NVL: variants seen among roughly 807,000 people sequenced by gnomAD.
NVL encodes the protein nuclear valosin-containing protein-like.
A neutral mutation model predicts 110.2 loss-of-function variants in NVL; 84 were observed. The observed-to-expected ratio is 0.76, with a 90% CI of 0.64 to 0.91. The LOEUF is 0.91. Ranked by LOEUF, NVL falls within the 40% of genes least tolerant of loss-of-function variation. The pLI is 0.00. For missense variants in NVL, 882 were observed against 1,035.9 expected (o/e 0.85, Z 2.04); for synonymous variants, 354 against 361.1 (o/e 0.98, Z 0.22).
At chr1:224,318,625 T>G (rs1670322381) in intron 2 of NVL, among the ~76,000 whole-genome samples, 1 of 151,634 alleles carries the variant, frequency 6.6e-6, no homozygotes, top group South Asian at 2.1e-4. Context: ...ATTAAAAAAC[T>G]AAGAAGAAGA....
intron 15 of NVL, among the ~76,000 whole-genome samples, chr1:224,283,556 G>T (rs1008720162): frequency 3.9e-5 from 6 of 152,118 alleles, no homozygotes; most frequent in African/African-American, 1.4e-4. Context: ...GTTCAGTAGT[G>T]GGGAGAAGAA....
In NVL at chr1:224,305,021, A is replaced by G; in HGVS notation, c.748+13T>C. The G allele has an allele frequency of 1.9e-6, 3 of 1,612,004 alleles. No homozygotes were observed. Among genetic ancestry groups the G allele is most frequent in the Non-Finnish European group, 2.5e-6 (3 of 1,179,394 alleles). On this transcript the variant is annotated intron_variant, in intron 7 of 22. Coordinates refer to ENST00000281701, the MANE Select transcript of NVL (RefSeq NM_002533.4). ...AAACATGACCACTGCCACCAACAAG[A>G]CTCACACCTTACCTTTCTTTTGCAG... is the stretch of plus-strand genomic sequence containing the variant.
intron 20 of NVL, among the ~76,000 whole-genome samples, chr1:224,234,106 C>A (rs1180296671): frequency 6.6e-6 from 1 of 152,168 alleles, no homozygotes; most frequent in African/African-American, 2.4e-5. Flanking sequence ...GTCTTTAATG[C>A]ACCTGATTCA....
At chr1:224,294,143 T>C (rs562488933) in intron 12 of NVL, 124 bp downstream of exon 12, 1 of 1,070,712 alleles carries the variant, frequency 9.3e-7, no homozygotes, top group South Asian at 1.5e-5. Flanking sequence ...TCCAAATCAA[T>C]TTAATTGGTA....
intron 14 of NVL, among the ~76,000 whole-genome samples, 200 bp from the exon 15 acceptor site, chr1:224,286,330 TGAGTAGCTGGGACTACA>T (rs1392504237): frequency 2.0e-5 from 3 of 151,992 alleles, no homozygotes; most frequent in Non-Finnish European, 4.4e-5. Context: ...CTTAGCCTCG[TGAGTAGCTGGGACTACA>T]GGCACATGCC....
At chr1:224,258,294 T>C (rs1663527136) in intron 18 of NVL, among the ~76,000 whole-genome samples, 1 of 152,128 alleles carries the variant, frequency 6.6e-6, no homozygotes, top group African/African-American at 2.4e-5. Context: ...TGCTCAACAC[T>C]ATCAGTTATC....
chr1:224,265,567 G>A (rs1015902356), intron 18 of NVL, among the ~76,000 whole-genome samples: 24 of 152,048 alleles, frequency 1.6e-4, no homozygotes, highest in South Asian at 4.2e-4. Context: ...GGCTGTTAAC[G>A]ATAGAATAGG....
At chr1:224,326,320 G>T in intron 2 of NVL, 71 bp downstream of exon 2, 3 of 1,086,152 alleles carry the variant, frequency 2.8e-6, no homozygotes, top group Non-Finnish European at 4.1e-6. Context: ...GGAAATTTAG[G>T]CAGGATATAA....
intron 18 of NVL, among the ~76,000 whole-genome samples, chr1:224,262,557 G>C (rs1006869445): frequency 6.6e-6 from 1 of 152,156 alleles, no homozygotes; most frequent in Non-Finnish European, 1.5e-5. Flanking sequence ...AAGGAGAACA[G>C]TCAAGGAAGT....
chr1:224,250,748 G>A (rs915652175), intron 18 of NVL, among the ~76,000 whole-genome samples: 3 of 152,086 alleles, frequency 2.0e-5, no homozygotes, highest in African/African-American at 7.2e-5. Flanking sequence ...AAAGTCCACT[G>A]TATCATTCTT....
intron 11 of NVL, among the ~76,000 whole-genome samples, chr1:224,295,250 T>C (rs913460531): frequency 2.6e-5 from 4 of 152,080 alleles, no homozygotes; most frequent in African/African-American, 7.2e-5. Context: ...TGAAGTGCAG[T>C]GGCACCATCT....
At position 224,270,862 on chromosome 1, in the gene NVL, T is replaced by C. The variant is rs115275686; in HGVS notation, c.2083-2729A>G. 4.5e-3 allele frequency among the ~76,000 whole-genome samples: 689 copies of C among 152,312 alleles called. 12 individuals are homozygous for C. The highest frequency in any genetic ancestry group is 0.016 in the African/African-American group (655 of 41,568). Reference sequence around the variant, plus strand: ...AAAATAAAAAGACAGGTATAATCCATTGTTGATAGGAAATGGTTATTTTCA... The same window carrying C: ...AAAATAAAAAGACAGGTATAATCCACTGTTGATAGGAAATGGTTATTTTCA... On this transcript the variant is annotated intron_variant, in intron 17 of 22. Coordinates refer to ENST00000281701, the MANE Select transcript of NVL (RefSeq NM_002533.4).
intron 10 of NVL, among the ~76,000 whole-genome samples, chr1:224,297,414 C>T (rs181948042): frequency 1.5e-3 from 230 of 152,094 alleles, no homozygotes; most frequent in African/African-American, 5.4e-3. Context: ...GATCAGCTAC[C>T]GAGAGTAGTC....
Position 224,303,718 on chromosome 1 carries a change from C to T in NVL, c.960+5G>A. The T allele has an allele frequency of 6.2e-7, 1 of 1,607,692 alleles. No homozygotes were observed. The highest frequency in any genetic ancestry group is 8.5e-7 in the Non-Finnish European group (1 of 1,176,758). ...CAAAAGCAAACAAATGTCAGCAAGCCTCACCCCAGCAATTGCATGTGCAAG... is the reference window on the plus strand; with the variant it reads ...CAAAAGCAAACAAATGTCAGCAAGCTTCACCCCAGCAATTGCATGTGCAAG... On this transcript the variant is annotated splice_donor_5th_base_variant and intron_variant, in intron 9 of 22. Coordinates refer to ENST00000281701, the MANE Select transcript of NVL (RefSeq NM_002533.4).
Position 224,236,583 on chromosome 1 carries a change from CTAAG to C in NVL, c.2290-5_2290-2del. 4 of 1,612,300 alleles carry C rather than the reference CTAAG, an allele frequency of 2.5e-6. No individual in the cohort carries two copies. Among genetic ancestry groups the C allele is most frequent in the South Asian group, 2.2e-5 (2 of 91,036 alleles). On this transcript the variant is annotated splice_acceptor_variant and splice_polypyrimidine_tract_variant and intron_variant, in intron 19 of 22. Transcript: ENST00000281701. LOFTEE classifies it high-confidence loss of function. ...CATCCAGTGGTGGTTTGGTACCATT[CTAAG>C]TAAGAGAGAAAAATGATTTTTCATT...
intron 9 of NVL, among the ~76,000 whole-genome samples, chr1:224,301,943 C>T (rs145768382): frequency 1.3e-5 from 2 of 152,182 alleles, no homozygotes; most frequent in Non-Finnish European, 2.9e-5. Context: ...TACCATTTTG[C>T]ACTTCTTCTT....
chr1:224,281,317 TTTA>T, intron 15 of NVL, 132 bp from the exon 16 acceptor site: 1 of 551,666 alleles, frequency 1.8e-6, no homozygotes, highest in Non-Finnish European at 3.2e-6. Flanking sequence ...GTGTGTGAGA[TTTA>T]GATGGAGTCT....
chr1:224,258,878 C>G (rs1434781544), intron 18 of NVL, among the ~76,000 whole-genome samples: 2 of 150,456 alleles, frequency 1.3e-5, no homozygotes, highest in African/African-American at 4.9e-5. Context: ...AGTAGCGACA[C>G]ATGCCTAAAA....
intron 19 of NVL, among the ~76,000 whole-genome samples, chr1:224,247,356 C>T (rs1405663175): frequency 2.0e-5 from 3 of 151,884 alleles, no homozygotes; most frequent in Admixed American, 1.3e-4. Context: ...CGGGTGCATG[C>T]CACTATGCCC....
Sources: gnomAD v4.1 joint callset for allele counts (sites outside exome capture counted in the v4.1 genomes callset) on GRCh38, gnomAD v4.1.1 for gene constraint, MANE v1.5 for transcripts, NCBI Gene and HGNC (gene_info 2026-07-23, HGNC 2026-07-21) for gene names.